The following DNAI1 variants were observed in gnomAD, a reference collection of about 807,000 sequenced individuals.
DNAI1 encodes dynein axonemal intermediate chain 1.
DNAI1 carries 67 observed loss-of-function variants against 92.0 expected under a neutral mutation model. That is an observed-to-expected ratio of 0.73 (90% CI 0.60 to 0.89). The LOEUF (loss-of-function observed/expected upper bound fraction) is 0.89, where lower values mean the gene tolerates loss of function less well. Ranked by LOEUF, DNAI1 falls within the 40% of genes least tolerant of loss-of-function variation. The pLI, the probability that DNAI1 is intolerant of heterozygous loss-of-function variation, is 0.00. For missense variants in DNAI1, 839 were observed against 866.6 expected, an observed-to-expected ratio of 0.97 and a Z score of 0.40; for synonymous variants, 323 against 319.6, an observed-to-expected ratio of 1.01 and a Z score of -0.11.
At chr9:34,480,870 T>A (rs566993234) in intron 1 of DNAI1, among the ~76,000 whole-genome samples, 4 of 152,050 alleles carry the variant, frequency 2.6e-5, no homozygotes, top group African/African-American at 7.2e-5. Flanking sequence ...TGCTTGAACC[T>A]GGGAGGTGGA....
chr9:34,482,335 G>A (rs1288447756), intron 1 of DNAI1, among the ~76,000 whole-genome samples: 7 of 150,474 alleles, frequency 4.7e-5, no homozygotes, highest in Non-Finnish European at 8.8e-5. Flanking sequence ...GCTAAACACA[G>A]GGTGCTGATT....
At chr9:34,480,898 A>G (rs976379588) in intron 1 of DNAI1, among the ~76,000 whole-genome samples, 1 of 152,212 alleles carries the variant, frequency 6.6e-6, no homozygotes, top group Non-Finnish European at 1.5e-5. Context: ...GTGAGCTGAG[A>G]TGGTGCCACT....
Position 34,484,937 on chromosome 9 carries a change from A to G in DNAI1, c.82-205A>G, listed in dbSNP as rs571805474. On this transcript the variant is annotated intron_variant, in intron 2 of 19. Transcript: ENST00000242317. The stretch of plus-strand genomic sequence containing the variant: ...CAGCTAAGCCTGACCCCCAGGGCAG[A>G]GGTGGCCAGGATCTTCCAGGCAATG... The G allele has an allele frequency of 1.5e-5, 8 of 548,858 alleles. No homozygotes were observed. In the African/African-American group the frequency reaches 1.5e-4, roughly 10 times the overall value. 34.0% of individuals were successfully genotyped at this position (548,858 alleles called of 1,614,324 possible). A position where few individuals can be genotyped will look rare whatever the true frequency, so the allele number is the denominator to read the frequency against.
Position 34,458,861 on chromosome 9 carries a change from C to T in DNAI1, c.-145C>T, listed in dbSNP as rs886063880. 114 of 745,112 alleles carry T rather than the reference C, an allele frequency of 1.5e-4. No homozygotes were observed. Among genetic ancestry groups the T allele is most frequent in the Middle Eastern group, 2.3e-4 (1 of 4,282 alleles). 46.2% of individuals were successfully genotyped at this position (745,112 alleles called of 1,614,324 possible). The stretch of plus-strand genomic sequence containing the variant: ...TTCTATCCTGCAAGGGCACGGGGAC[C>T]CACAACGACGGCTGTCCCTAAAGAA... On this transcript the variant is annotated 5_prime_UTR_variant, in exon 1 of 20. Transcript: ENST00000242317. This position sits in a 1 kb window ranked among gnomAD's most constrained non-coding sequence, Gnocchi z 6.6.
chr9:34,514,507 C>T lies in DNAI1; in HGVS notation c.1683C>T (p.Ser561=), dbSNP rs749068442. 8.7e-6 allele frequency: 14 copies of T among 1,614,108 alleles called. No individual in the cohort carries two copies. Among genetic ancestry groups the T allele is most frequent in the East Asian group, 2.2e-5 (1 of 44,900 alleles). Residue 561 remains serine (S), a synonymous_variant, in exon 17 of 20, where the codon TCC becomes TCT. Coordinates refer to ENST00000242317, the MANE Select transcript of DNAI1 (RefSeq NM_012144.4). Reference sequence around the variant, plus strand: ...CCAAGGTCTTCATGTCCTGCAGCTCCGACTGGACAGTGAAGATCTGGGACC... The same window carrying T: ...CCAAGGTCTTCATGTCCTGCAGCTCTGACTGGACAGTGAAGATCTGGGACC... ...YHTKVFMSCS[S]DWTVKIWDHT...
rs150785761 is a variant in DNAI1, at chr9:34,514,423, C to T, written c.1599C>T (p.Leu533=). ...KCSKSYSSQF[L]DTYDAHNMSV... ...CTAAATCCTACTCCAGCCAATTCCTCGACACCTATGACGCCCACAACATGT... is the reference window on the plus strand; with the variant it reads ...CTAAATCCTACTCCAGCCAATTCCTTGACACCTATGACGCCCACAACATGT... Residue 533 remains leucine, a synonymous_variant, in exon 17 of 20, where the codon CTC becomes CTT. Transcript: ENST00000242317. 1.4e-5 allele frequency: 23 copies of T among 1,614,218 alleles called. No homozygotes were observed. The highest frequency in any genetic ancestry group is 5.3e-5 in the African/African-American group (4 of 75,046).
chr9:34,505,645 T>C (rs1194716575), intron 12 of DNAI1, among the ~76,000 whole-genome samples: 1 of 152,244 alleles, frequency 6.6e-6, no homozygotes, highest in South Asian at 2.1e-4. Flanking sequence ...AGTCCTGGGC[T>C]AGACTCATTT....
rs1394704421 is a variant in DNAI1, at chr9:34,506,866, G to A, written c.1303G>A (p.Val435Met). Residue 435 changes from valine to methionine, a missense_variant, in exon 13 of 20, where the codon GTG becomes ATG. Transcript: ENST00000242317. ...SAKSGKHSDPVWQVKWQKDDM... is the reference protein window; with the variant it reads ...SAKSGKHSDPMWQVKWQKDDM... ...CAAGTCTGGCAAGCACTCAGACCCT[G>A]TGTGGCAGGTCAGCAACCAGGCTGG... 1.2e-6 allele frequency: 2 copies of A among 1,613,828 alleles called. No individual in the cohort carries two copies. Among genetic ancestry groups the A allele is most frequent in the Non-Finnish European group, 1.7e-6 (2 of 1,179,972 alleles).
chr9:34,470,207 T>G (rs1326403753), intron 1 of DNAI1, among the ~76,000 whole-genome samples: 3 of 152,034 alleles, frequency 2.0e-5, no homozygotes, highest in Non-Finnish European at 4.4e-5. Flanking sequence ...CTAAAAAATT[T>G]CAGTTAATAC....
At chr9:34,501,765 C>T (rs951379662) in intron 12 of DNAI1, among the ~76,000 whole-genome samples, 5 of 143,710 alleles carry the variant, frequency 3.5e-5, no homozygotes, top group Non-Finnish European at 7.7e-5. Flanking sequence ...CCTTCCTGAC[C>T]GGGTGGGTGG....
chr9:34,472,365 C>T (rs543696189), intron 1 of DNAI1, among the ~76,000 whole-genome samples: 104 of 152,316 alleles, frequency 6.8e-4, no homozygotes, highest in African/African-American at 2.4e-3. Flanking sequence ...AAGGCTTACT[C>T]TAGAGCTCCA....
chr9:34,510,675 G>A (rs1299239110), intron 13 of DNAI1, among the ~76,000 whole-genome samples: 1 of 152,138 alleles, frequency 6.6e-6, no homozygotes, highest in Non-Finnish European at 1.5e-5. Context: ...AGGCTGCTAA[G>A]TGGGGTGTGA....
chr9:34,491,500 A>G lies in DNAI1; in HGVS notation c.627A>G (p.Arg209=), dbSNP rs750721757. The change falls in exon 8 of 20, where the codon CGA becomes CGG. Residue 209 remains arginine, a synonymous_variant. Coordinates refer to ENST00000242317, the MANE Select transcript of DNAI1 (RefSeq NM_012144.4). ...SQTYNNPVRD[R]ECQTEPPPRT... is the part of the protein sequence containing the mutation. ...CCTGTTGTCTTGTTCTTTAGGATCGAGAATGCCAGACGGAGCCTCCTCCCA... is the reference window on the plus strand; with the variant it reads ...CCTGTTGTCTTGTTCTTTAGGATCGGGAATGCCAGACGGAGCCTCCTCCCA... 2 of 1,614,176 alleles carry G rather than the reference A, an allele frequency of 1.2e-6. No homozygotes were observed. The highest frequency in any genetic ancestry group is 1.7e-6 in the Non-Finnish European group (2 of 1,180,028).
intron 9 of DNAI1, among the ~76,000 whole-genome samples, chr9:34,494,392 G>A (rs1323432284): frequency 2.0e-5 from 3 of 152,130 alleles, no homozygotes; most frequent in East Asian, 3.8e-4. Flanking sequence ...GATCATGGCC[G>A]TGCGGGTACT....
chr9:34,512,270 C>A, intron 14 of DNAI1, 67 bp from the exon 15 acceptor site: 2 of 1,610,192 alleles, frequency 1.2e-6, no homozygotes, highest in Non-Finnish European at 1.7e-6. Context: ...AAGGGCAACC[C>A]CCAGCCTTGC....
At chr9:34,510,703 G>T (rs969165611) in intron 13 of DNAI1, among the ~76,000 whole-genome samples, 1 of 152,106 alleles carries the variant, frequency 6.6e-6, no homozygotes, top group African/African-American at 2.4e-5. Context: ...TTTCCATGCG[G>T]TGCTGGCGTC....
intron 16 of DNAI1, 90 bp from the exon 17 acceptor site, chr9:34,514,304 G>T: frequency 1.3e-6 from 2 of 1,531,816 alleles, no homozygotes; most frequent in East Asian, 2.2e-5. Context: ...TTAAGGACAG[G>T]AGTCTAAGGC....
chr9:34,480,271 A>AT (rs1824326139), intron 1 of DNAI1, among the ~76,000 whole-genome samples: 1 of 116,322 alleles, frequency 8.6e-6, no homozygotes, highest in African/African-American at 3.5e-5. Flanking sequence ...GTTTGGTGGA[A>AT]CTTTTTTTTT....
At chr9:34,515,701 C>T (rs1190930654) in intron 18 of DNAI1, among the ~76,000 whole-genome samples, 2 of 152,206 alleles carry the variant, frequency 1.3e-5, no homozygotes, top group Non-Finnish European at 2.9e-5. Flanking sequence ...ACCTTGACAA[C>T]ATGCTTAGCG....
Sources: gnomAD v4.1 joint callset for allele counts (sites outside exome capture counted in the v4.1 genomes callset) on GRCh38, gnomAD v4.1.1 for gene constraint, Gnocchi (gnomAD v3.1) non-coding constraint, MANE v1.5 for transcripts, NCBI Gene and HGNC (gene_info 2026-07-23, HGNC 2026-07-21) for gene names.